The following PDE1C variants were observed in gnomAD, a reference collection of about 807,000 sequenced individuals.
PDE1C encodes phosphodiesterase 1C, also known as dual specificity calcium/calmodulin-dependent 3',5'-cyclic nucleotide phosphodiesterase 1C.
PDE1C carries 62 observed loss-of-function variants against 93.1 expected under a neutral mutation model. The observed-to-expected ratio is 0.67, with a 90% confidence interval of 0.54 to 0.82. The LOEUF (loss-of-function observed/expected upper bound fraction) is 0.82. Among genes scored for constraint, PDE1C ranks in the 40% least tolerant of loss-of-function variants. The pLI is 0.00. For missense variants in PDE1C, 742 were observed against 884.6 expected (o/e 0.84, Z 2.04); for synonymous variants, 325 against 310.1 (o/e 1.05, Z -0.50).
chr7:32,173,280 A>G (rs1802770449), intron 2 of PDE1C, among the ~76,000 whole-genome samples: 2 of 152,160 alleles, frequency 1.3e-5, no homozygotes, highest in South Asian at 4.1e-4. Flanking sequence ...CAAACACTGC[A>G]TCTTCTCATT....
At chr7:32,092,453 T>G (rs1294257157) in intron 3 of PDE1C, among the ~76,000 whole-genome samples, 1 of 152,186 alleles carries the variant, frequency 6.6e-6, no homozygotes, top group Non-Finnish European at 1.5e-5. Flanking sequence ...GACCCAAATC[T>G]GACACCAAGA....
At chr7:31,745,404 T>C in the PDE1C span, among the ~76,000 whole-genome samples, 2 of 152,170 alleles carry the variant, frequency 1.3e-5, no homozygotes, top group Non-Finnish European at 2.9e-5. Context: ...GGATATAGTA[T>C]GAAAAAGAAA....
chr7:32,162,578 A>G (rs1219322523), intron 3 of PDE1C, among the ~76,000 whole-genome samples: 2 of 151,936 alleles, frequency 1.3e-5, no homozygotes, highest in African/African-American at 4.8e-5. Context: ...AGCTCTAAAA[A>G]AAGTTCAGCA....
At chr7:32,044,317 G>A (rs887865595) in intron 2 of PDE1C, among the ~76,000 whole-genome samples, 7 of 152,142 alleles carry the variant, frequency 4.6e-5, no homozygotes, top group Admixed American at 1.3e-4. Flanking sequence ...AGGCAAATAT[G>A]ACAGTCAGTA....
At chr7:31,856,801 G>A (rs185212887) in intron 7 of PDE1C, among the ~76,000 whole-genome samples, 1 of 151,750 alleles carries the variant, frequency 6.6e-6, no homozygotes, top group African/African-American at 2.4e-5. Context: ...TCAGTTGCTC[G>A]GGCTGCCATA....
chr7:32,376,203 C>T (rs1784430011), intron 1 of PDE1C, among the ~76,000 whole-genome samples: 1 of 151,964 alleles, frequency 6.6e-6, no homozygotes, highest in Non-Finnish European at 1.5e-5. Context: ...CCAATCCTAA[C>T]AAACAGTGGC....
At chr7:31,861,580 G>T (rs780509220) in intron 7 of PDE1C, among the ~76,000 whole-genome samples, 1 of 151,984 alleles carries the variant, frequency 6.6e-6, no homozygotes, top group Non-Finnish European at 1.5e-5. Flanking sequence ...AGGCATTCTT[G>T]TCAACTGTTT....
intron 2 of PDE1C, among the ~76,000 whole-genome samples, chr7:32,192,529 A>G (rs1338885666): frequency 6.6e-6 from 1 of 152,030 alleles, no homozygotes; most frequent in Non-Finnish European, 1.5e-5. Flanking sequence ...TGGGTTTTCT[A>G]TTCTATTCTA....
intron 3 of PDE1C, among the ~76,000 whole-genome samples, chr7:32,087,186 C>T (rs1165595093): frequency 1.3e-5 from 2 of 148,928 alleles, no homozygotes; most frequent in Non-Finnish European, 1.5e-5. Context: ...AAAAAGTGGG[C>T]GAAGGATATG....
the PDE1C span, among the ~76,000 whole-genome samples, chr7:31,661,202 T>C: frequency 6.6e-6 from 1 of 152,164 alleles, no homozygotes; most frequent in Non-Finnish European, 1.5e-5. Context: ...GATGCCTATT[T>C]TGAGCATCCA....
intron 3 of PDE1C, among the ~76,000 whole-genome samples, chr7:32,119,877 G>A (rs1799200456): frequency 6.6e-6 from 1 of 152,234 alleles, no homozygotes; most frequent in South Asian, 2.1e-4. Flanking sequence ...AGTTTCCCGG[G>A]GGAAGGGCAA....
At chr7:32,355,929 A>G (rs537402523) in intron 1 of PDE1C, among the ~76,000 whole-genome samples, 45 of 152,226 alleles carry the variant, frequency 3.0e-4, no homozygotes, top group Non-Finnish European at 4.4e-4. Context: ...TTCTCCCATC[A>G]TACTCTCAAA....
the PDE1C span, among the ~76,000 whole-genome samples, chr7:31,680,325 G>A: frequency 0.8 from 122,300 of 152,094 alleles, 49,725 homozygotes; most frequent in African/African-American, 0.93. Flanking sequence ...AGATCTACCC[G>A]TTTCATTGAT....
the PDE1C span, among the ~76,000 whole-genome samples, chr7:31,660,416 T>C: frequency 2.0e-5 from 3 of 152,192 alleles, no homozygotes; most frequent in Non-Finnish European, 4.4e-5. Flanking sequence ...TTTATAAAGA[T>C]ACATAATAGA....
chr7:31,625,596 G>T, the PDE1C span, among the ~76,000 whole-genome samples: 3 of 152,006 alleles, frequency 2.0e-5, no homozygotes, highest in African/African-American at 7.3e-5. Context: ...CACAGGAGAG[G>T]GAACATCACA....
the PDE1C span, among the ~76,000 whole-genome samples, chr7:31,732,139 T>A: frequency 6.6e-6 from 1 of 152,238 alleles, no homozygotes; most frequent in African/African-American, 2.4e-5. Context: ...TTCATTTTCC[T>A]GAGACATTCC....
At chr7:32,010,518 T>C (rs1314059716) in intron 2 of PDE1C, among the ~76,000 whole-genome samples, 4 of 152,182 alleles carry the variant, frequency 2.6e-5, no homozygotes, top group African/African-American at 4.8e-5. Flanking sequence ...TAGACCTAAA[T>C]GGAAATCCTA....
chr7:32,247,256 C>T (rs1809032722), intron 1 of PDE1C, among the ~76,000 whole-genome samples: 1 of 121,958 alleles, frequency 8.2e-6, no homozygotes, highest in African/African-American at 3.1e-5. Context: ...GCAGTGGCCA[C>T]AGACCAGGTC....
chr7:31,735,171 G>A, the PDE1C span, among the ~76,000 whole-genome samples: 1 of 152,218 alleles, frequency 6.6e-6, no homozygotes, highest in African/African-American at 2.4e-5. Flanking sequence ...GGCTGAGATG[G>A]GCGGATCACT....
Sources: allele counts gnomAD v4.1 joint callset (sites outside exome capture counted in the v4.1 genomes callset), GRCh38; gene constraint gnomAD v4.1.1; transcripts MANE v1.5; gene names NCBI Gene and HGNC (gene_info 2026-07-23, HGNC 2026-07-21).